Variants in HEPH observed in about 807,000 individuals in gnomAD.
HEPH encodes the protein hephaestin.
A neutral mutation model predicts 80.8 loss-of-function variants in HEPH; 69 were observed. That is an observed-to-expected ratio of 0.85 (90% CI 0.70 to 1.04). HEPH has a LOEUF of 1.04. Among genes scored for constraint, HEPH ranks in the 50% least tolerant of loss-of-function variants. HEPH has a pLI of 0.00. For synonymous variants in HEPH, 431 were observed against 322.8 expected (o/e 1.34, Z -3.60); for missense variants, 1,115 against 891.3 (o/e 1.25, Z -3.20).
chrX:66,199,192 T>C, intron 11 of HEPH, among the ~76,000 whole-genome samples, 164 bp downstream of exon 11: 1 of 112,177 alleles, frequency 8.9e-6, no homozygotes, highest in African/African-American at 3.2e-5. Flanking sequence ...ATCTTATACT[T>C]AGTACCTTTG....
At chrX:66,221,944 T>A (rs1255113884) in intron 15 of HEPH, among the ~76,000 whole-genome samples, 2 of 112,250 alleles carry the variant, frequency 1.8e-5, no homozygotes, top group Non-Finnish European at 3.8e-5. Flanking sequence ...TGTGTTACGA[T>A]GTCTTATTTT....
Position 66,208,156 on chromosome X carries a change from G to T in HEPH, c.2473G>T (p.Val825Leu). The change falls in exon 15 of 21, where the codon GTA (valine) becomes TTA (leucine). Residue 825 changes from valine to leucine, a missense_variant. By Grantham distance (32) the Val-to-Leu change is conservative. Around this residue, in one of 3 missense-constraint regions of HEPH, gnomAD observed 716 missense variants for 523.5 expected, o/e 1.37. Coordinates refer to ENST00000343002, the MANE Select transcript of HEPH (RefSeq NM_001367233.3). ...TGAAGTTGGTGATATCCTGACTGTG[G>T]TATTCAAGAATAATGCCAGCCGCCC... ...KGEVGDILTVVFKNNASRPYS... is the reference protein window; with the variant it reads ...KGEVGDILTVLFKNNASRPYS... 8.3e-7 allele frequency: 1 copy of T among 1,201,003 alleles called. No individual in the cohort carries two copies. The highest frequency in any genetic ancestry group is 1.8e-5 in the South Asian group (1 of 56,241).
At chrX:66,214,384 A>G (rs1197279737) in intron 15 of HEPH, among the ~76,000 whole-genome samples, 1 of 111,872 alleles carries the variant, frequency 8.9e-6, no homozygotes, top group East Asian at 2.8e-4. Context: ...GGTAGTTGCT[A>G]TATTTTAGTC....
rs2091011174 is a variant in HEPH at position 66,251,673 on chromosome X, A to G, written c.2564-3362A>G. Among the ~76,000 whole-genome samples, 4 of 111,755 alleles carry G rather than the reference A, an allele frequency of 3.6e-5. No individual in the cohort carries two copies. The Admixed American group carries it at 3.8e-4, about 11-fold the overall frequency. On this transcript the variant is annotated intron_variant, in intron 15 of 20. Coordinates refer to ENST00000343002, the MANE Select transcript of HEPH (RefSeq NM_001367233.3). ...ATTTAGGCTGATATTTGAATGTAGC[A>G]TAGAAATCAGCCATATTAAGAAAGT...
intron 15 of HEPH, among the ~76,000 whole-genome samples, chrX:66,214,373 C>T (rs753159096): frequency 9.0e-5 from 10 of 111,587 alleles, no homozygotes; most frequent in Non-Finnish European, 1.5e-4. Flanking sequence ...TTTTTATTTT[C>T]GGTAGTTGCT....
At chrX:66,212,186 GTTTT>G (rs34500733) in intron 15 of HEPH, among the ~76,000 whole-genome samples, 245 of 93,852 alleles carry the variant, frequency 2.6e-3, no homozygotes, top group African/African-American at 8.3e-3. Context: ...TTTTTAATGT[GTTTT>G]TTTTTTTTTT....
intron 15 of HEPH, among the ~76,000 whole-genome samples, chrX:66,252,075 G>A (rs1341901440): frequency 2.7e-5 from 3 of 111,448 alleles, no homozygotes; most frequent in African/African-American, 6.5e-5. Context: ...AGTGGAGATG[G>A]GTAGAAGTGG....
intron 15 of HEPH, among the ~76,000 whole-genome samples, chrX:66,236,875 A>G (rs1189194021): frequency 9.0e-6 from 1 of 111,149 alleles, no homozygotes; most frequent in Non-Finnish European, 1.9e-5. Context: ...GAAATTTATC[A>G]ATTTCCTCTA....
At chrX:66,262,256 C>A (rs754994129) in intron 19 of HEPH, among the ~76,000 whole-genome samples, 5 of 111,989 alleles carry the variant, frequency 4.5e-5, no homozygotes, top group Admixed American at 3.8e-4. Context: ...AGAATCAGAG[C>A]TAACATGAAA....
chrX:66,234,461 TTCTGTTTTTATG>T (rs1282678585), intron 15 of HEPH, among the ~76,000 whole-genome samples: 1 of 111,458 alleles, frequency 9.0e-6, no homozygotes, highest in Non-Finnish European at 1.9e-5. Context: ...TGAATGGTAG[TTCTGTTTTTATG>T]TCTGTGAGGA....
intron 15 of HEPH, among the ~76,000 whole-genome samples, chrX:66,254,650 G>A (rs553857603): frequency 1.8e-5 from 2 of 110,832 alleles, no homozygotes; most frequent in Admixed American, 1.9e-4. Flanking sequence ...AGTATGGAAA[G>A]AGAGAAGAGA....
chrX:66,231,918 C>T (rs2090162103), intron 15 of HEPH, among the ~76,000 whole-genome samples: 1 of 110,331 alleles, frequency 9.1e-6, no homozygotes, highest in East Asian at 2.8e-4. Flanking sequence ...GTGGATTTGT[C>T]ATAGATAGCT....
intron 17 of HEPH, among the ~76,000 whole-genome samples, chrX:66,258,463 C>A (rs28532287): frequency 8.9e-6 from 1 of 111,886 alleles, no homozygotes; most frequent in Admixed American, 9.5e-5. Context: ...GTGAAGAAAT[C>A]ACCCCAACTG....
chrX:66,175,791 T>G (rs1197892964), intron 4 of HEPH, among the ~76,000 whole-genome samples: 2 of 111,361 alleles, frequency 1.8e-5, no homozygotes, highest in Admixed American at 1.9e-4. Context: ...TAAAAGGGGT[T>G]GAGTTCTTGA....
At chrX:66,257,975 CATT>C (rs1186849858) in intron 17 of HEPH, among the ~76,000 whole-genome samples, 5 of 111,801 alleles carry the variant, frequency 4.5e-5, no homozygotes, top group African/African-American at 6.5e-5. Context: ...GCATTAATAT[CATT>C]ATTAATTCCA....
chrX:66,200,866 G>A (rs914702088), intron 12 of HEPH, 114 bp downstream of exon 12: 8 of 568,592 alleles, frequency 1.4e-5, no homozygotes, highest in Non-Finnish European at 2.2e-5. Flanking sequence ...AGGGTTCTAG[G>A]AAGTTTTTAA....
At chrX:66,244,658 A>G (rs1002830053) in intron 15 of HEPH, among the ~76,000 whole-genome samples, 1 of 111,096 alleles carries the variant, frequency 9.0e-6, no homozygotes, top group Non-Finnish European at 1.9e-5. Flanking sequence ...CTGACATTTT[A>G]CCCATTTCAG....
intron 1 of HEPH, among the ~76,000 whole-genome samples, chrX:66,166,357 C>A (rs1259064380): frequency 1.8e-5 from 2 of 110,390 alleles, no homozygotes; most frequent in African/African-American, 6.6e-5. Flanking sequence ...CCATGCCCAG[C>A]TAATTTTTTG....
intron 8 of HEPH, 46 bp downstream of exon 8, chrX:66,193,684 A>G (rs1432578850): frequency 9.4e-7 from 1 of 1,062,678 alleles, no homozygotes; most frequent in Non-Finnish European, 1.3e-6. Flanking sequence ...GAGCCAGAGA[A>G]TTGAGGAAGA....
Sources: allele counts gnomAD v4.1 joint callset (sites outside exome capture counted in the v4.1 genomes callset), GRCh38; gene constraint gnomAD v4.1.1; regional missense constraint gnomAD v4.1.1; transcripts MANE v1.5; gene names NCBI Gene and HGNC (gene_info 2026-07-23, HGNC 2026-07-21).